Variants in CASK observed in about 807,000 individuals in gnomAD.
CASK encodes peripheral plasma membrane protein CASK.
Under a neutral mutation model 82.9 loss-of-function variants are expected in CASK, and 4 were observed. The ratio of observed to expected loss-of-function variants is 0.05; its 90% CI spans 0.02 to 0.11. CASK has a LOEUF of 0.11. Ranked by LOEUF, CASK falls within the 10% of genes least tolerant of loss-of-function variation. CASK has a pLI of 1.00. For missense variants in CASK, 358 were observed against 720.9 expected, an observed-to-expected ratio of 0.50 and a Z score of 5.76; for synonymous variants, 259 against 253.5, an observed-to-expected ratio of 1.02 and a Z score of -0.20.
At chrX:41,746,912 T>C (rs907751414) in intron 3 of CASK, among the ~76,000 whole-genome samples, 1 of 111,982 alleles carries the variant, frequency 8.9e-6, no homozygotes, top group East Asian at 2.8e-4. Flanking sequence ...TCTAGCTATG[T>C]CCTGTGCTCT....
intron 5 of CASK, among the ~76,000 whole-genome samples, chrX:41,692,410 CCAATTGGTGGTAGTCT>C (rs1398504629): frequency 7.2e-5 from 8 of 111,611 alleles, no homozygotes; most frequent in Non-Finnish European, 1.5e-4. Context: ...TACAAAGAAC[CCAATTGGTGGTAGTCT>C]CAAAAATCTC....
chrX:41,825,831 C>T (rs762469703), intron 2 of CASK, among the ~76,000 whole-genome samples: 42 of 112,197 alleles, frequency 3.7e-4, no homozygotes, highest in African/African-American at 1.1e-3. Context: ...AATGCCAAAA[C>T]GAAATTATAA....
rs1569288551 is a variant in CASK at position 41,531,150 on chromosome X, G to A, written c.2377C>T (p.His793Tyr). 1 of 1,209,765 alleles carries A rather than the reference G, an allele frequency of 8.3e-7. No individual in the cohort carries two copies. Among genetic ancestry groups the A allele is most frequent in the Non-Finnish European group, 1.1e-6 (1 of 893,579 alleles). The change falls in exon 25 of 27, where the codon CAT (histidine) becomes TAT (tyrosine). Residue 793 changes from histidine (H) to tyrosine (Y), a missense_variant. By Grantham distance (83) the His-to-Tyr change is moderately conservative. Around this residue, in one of 5 missense-constraint regions of CASK, gnomAD observed 118 missense variants for 169.4 expected, o/e 0.70. Transcript: ENST00000378163. The stretch of plus-strand genomic sequence containing the variant: ...GAGATGTCTTGCATCATTTGGTCAT[G>A]AGATACAAAGTAATAATTCTTTCCA... ...ENGKNYYFVS[H>Y]DQMMQDISNN...
At chrX:41,675,249 CATTGAG>C (rs2067249340) in intron 5 of CASK, among the ~76,000 whole-genome samples, 2 of 112,236 alleles carry the variant, frequency 1.8e-5, no homozygotes, top group South Asian at 3.7e-4. Context: ...AAGGTGTGCA[CATTGAG>C]ATTGAGTATT....
intron 2 of CASK, among the ~76,000 whole-genome samples, chrX:41,850,021 A>T (rs970862865): frequency 8.1e-5 from 9 of 111,264 alleles, no homozygotes; most frequent in Non-Finnish European, 1.5e-4. Flanking sequence ...TCTACAAAAA[A>T]TACAAAAAAT....
intron 2 of CASK, among the ~76,000 whole-genome samples, chrX:41,824,031 T>C (rs2070605130): frequency 8.9e-6 from 1 of 111,980 alleles, no homozygotes; most frequent in Admixed American, 9.5e-5. Context: ...AGATGCAAGA[T>C]GTCAAAAACT....
intron 5 of CASK, among the ~76,000 whole-genome samples, chrX:41,686,450 C>A (rs780649639): frequency 9.5e-6 from 1 of 105,792 alleles, no homozygotes; most frequent in South Asian, 4.3e-4. Flanking sequence ...GTTGCCCAGG[C>A]TAGACTCAAA....
At chrX:41,709,710 T>C (rs957873334) in intron 5 of CASK, among the ~76,000 whole-genome samples, 1 of 111,725 alleles carries the variant, frequency 9.0e-6, no homozygotes, top group Non-Finnish European at 1.9e-5. Flanking sequence ...TTATTATTAT[T>C]AATTTTCTAA....
chrX:41,632,025 G>A (rs1166361125), intron 9 of CASK, among the ~76,000 whole-genome samples: 1 of 110,866 alleles, frequency 9.0e-6, no homozygotes, highest in African/African-American at 3.3e-5. Flanking sequence ...TGACCTCCCA[G>A]GCTCAAGTGA....
At chrX:41,795,591 G>A (rs1217344167) in intron 2 of CASK, among the ~76,000 whole-genome samples, 1 of 111,336 alleles carries the variant, frequency 9.0e-6, no homozygotes, top group Non-Finnish European at 1.9e-5. Flanking sequence ...ACCTGAGCCC[G>A]AGAGGTGGAG....
intron 2 of CASK, among the ~76,000 whole-genome samples, chrX:41,835,905 A>C (rs1361201203): frequency 1.8e-5 from 2 of 112,183 alleles, no homozygotes; most frequent in Admixed American, 1.9e-4. Flanking sequence ...TAAACTTTAC[A>C]TTTGTAATAT....
chrX:41,615,219 T>C (rs746180063), intron 11 of CASK, among the ~76,000 whole-genome samples: 203 of 111,956 alleles, frequency 1.8e-3, no homozygotes, highest in Non-Finnish European at 3.4e-3. Context: ...TCAGTCCTCA[T>C]CTCCTCTGTT....
chrX:41,638,401 A>T (rs1041234359), intron 8 of CASK, among the ~76,000 whole-genome samples: 6 of 110,186 alleles, frequency 5.4e-5, no homozygotes, highest in Middle Eastern at 4.6e-3. Flanking sequence ...AAAAATTAAA[A>T]AATTAGCCAG....
chrX:41,681,030 T>C (rs1164717612), intron 5 of CASK, among the ~76,000 whole-genome samples: 1 of 112,545 alleles, frequency 8.9e-6, no homozygotes, highest in Non-Finnish European at 1.9e-5. Flanking sequence ...CTTTTGAACA[T>C]GGGTTTGAAC....
chrX:41,887,296 C>CCACACA (rs3055225), intron 1 of CASK, among the ~76,000 whole-genome samples: 2,470 of 83,450 alleles, frequency 0.03, 48 homozygotes, highest in Non-Finnish European at 0.041. Flanking sequence ...CTAGTTGAGT[C>CCACACA]CACACACACA....
chrX:41,727,312 A>C (rs1292517781), intron 5 of CASK: 6 of 1,206,520 alleles, frequency 5.0e-6, no homozygotes, highest in Non-Finnish European at 6.7e-6. Context: ...TTTTCTGGGA[A>C]CTCTATCCAT....
At chrX:41,603,052 G>A (rs1254137511) in intron 12 of CASK, among the ~76,000 whole-genome samples, 4 of 111,835 alleles carry the variant, frequency 3.6e-5, no homozygotes, top group African/African-American at 1.3e-4. Context: ...TGCCAAAGCT[G>A]ACTCTTAAGA....
intron 2 of CASK, among the ~76,000 whole-genome samples, chrX:41,830,010 T>G (rs1391343732): frequency 9.4e-6 from 1 of 106,073 alleles, no homozygotes; most frequent in Non-Finnish European, 1.9e-5. Flanking sequence ...TTTTTTTTTG[T>G]TTTGTTTTGA....
At chrX:41,591,727 G>A (rs59057779) in intron 12 of CASK, among the ~76,000 whole-genome samples, 1 of 109,334 alleles carries the variant, frequency 9.1e-6, no homozygotes, top group Non-Finnish European at 1.9e-5. Context: ...CGCCCGCCTC[G>A]GCCTCCCAAA....
Sources: gnomAD v4.1 joint callset for allele counts (sites outside exome capture counted in the v4.1 genomes callset) on GRCh38, gnomAD v4.1.1 for gene constraint, gnomAD v4.1.1 regional missense constraint, MANE v1.5 for transcripts, NCBI Gene and HGNC (gene_info 2026-07-23, HGNC 2026-07-21) for gene names.